CASK: variants seen among roughly 807,000 people sequenced by gnomAD.
CASK encodes the protein peripheral plasma membrane protein CASK.
Under a neutral mutation model 82.9 loss-of-function variants are expected in CASK, and 4 were observed. The observed-to-expected ratio is 0.05, with a 90% CI of 0.02 to 0.11. The LOEUF is 0.11. Ranked by LOEUF, CASK falls within the 10% of genes least tolerant of loss-of-function variation. The pLI is 1.00. For synonymous variants in CASK, 259 were observed against 253.5 expected, an observed-to-expected ratio of 1.02 and a Z score of -0.20; for missense variants, 358 against 720.9, an observed-to-expected ratio of 0.50 and a Z score of 5.76.
At chrX:41,830,782 T>G (rs932031863) in intron 2 of CASK, among the ~76,000 whole-genome samples, 5 of 92,158 alleles carry the variant, frequency 5.4e-5, no homozygotes, top group Non-Finnish European at 1.0e-4. Context: ...ATCGCGCCAC[T>G]GCACTCCAGC....
intron 5 of CASK, among the ~76,000 whole-genome samples, chrX:41,672,008 C>A (rs1195460744): frequency 9.0e-6 from 1 of 111,539 alleles, no homozygotes; most frequent in Admixed American, 9.5e-5. Flanking sequence ...CTGCCCAGTC[C>A]TCTTTTCTTT....
chrX:41,790,232 C>T (rs978583565), intron 2 of CASK: 50 of 984,094 alleles, frequency 5.1e-5, no homozygotes, highest in Non-Finnish European at 6.2e-5. Flanking sequence ...TCCATCAGCT[C>T]GTTCAACTTT....
chrX:41,581,302 C>T (rs1200047551), intron 14 of CASK, among the ~76,000 whole-genome samples: 1 of 110,276 alleles, frequency 9.1e-6, no homozygotes, highest in Non-Finnish European at 1.9e-5. Flanking sequence ...GATTGCTTTG[C>T]CCAGGAGTTG....
intron 2 of CASK, among the ~76,000 whole-genome samples, chrX:41,790,632 C>T (rs2069694548): frequency 9.0e-6 from 1 of 111,457 alleles, no homozygotes; most frequent in Admixed American, 9.6e-5. Flanking sequence ...GAACTAAAGT[C>T]AGAACACTGA....
chrX:41,626,268 G>A (rs752059377), intron 10 of CASK, among the ~76,000 whole-genome samples: 14 of 110,910 alleles, frequency 1.3e-4, no homozygotes, highest in Non-Finnish European at 2.3e-4. Flanking sequence ...TTTGTTGAGA[G>A]AGAAGGTAAT....
At chrX:41,732,079 A>G (rs1298094942) in intron 5 of CASK, among the ~76,000 whole-genome samples, 1 of 109,792 alleles carries the variant, frequency 9.1e-6, no homozygotes, top group Admixed American at 9.8e-5. Flanking sequence ...CCTGGTTTTA[A>G]AATCACCTTC....
intron 12 of CASK, among the ~76,000 whole-genome samples, chrX:41,606,299 T>G (rs763190719): frequency 8.9e-6 from 1 of 112,348 alleles, no homozygotes; most frequent in South Asian, 3.7e-4. Context: ...GGAGTCTCGC[T>G]CTGTTGACCA....
intron 11 of CASK, among the ~76,000 whole-genome samples, chrX:41,611,830 C>T (rs1465535018): frequency 9.0e-6 from 1 of 110,731 alleles, no homozygotes; most frequent in Non-Finnish European, 1.9e-5. Flanking sequence ...TGCCGAGTGC[C>T]TGCGATTGCA....
At chrX:41,649,707 C>CTGAGAAGAATG (rs1418181449) in intron 8 of CASK, among the ~76,000 whole-genome samples, 1 of 111,783 alleles carries the variant, frequency 8.9e-6, no homozygotes, top group African/African-American at 3.3e-5. Context: ...CAATGTGGTG[C>CTGAGAAGAATG]TGAGAAGAAT....
At chrX:41,703,321 C>G (rs2067833828) in intron 5 of CASK, among the ~76,000 whole-genome samples, 1 of 112,195 alleles carries the variant, frequency 8.9e-6, no homozygotes, top group Admixed American at 9.5e-5. Context: ...TATATTAAAG[C>G]TCACTTCACA....
At chrX:41,912,888 CTT>C (rs1415658401) in intron 1 of CASK, among the ~76,000 whole-genome samples, 1 of 106,211 alleles carries the variant, frequency 9.4e-6, no homozygotes, top group Non-Finnish European at 1.9e-5. Flanking sequence ...ATATATGTGA[CTT>C]TATTAAAATT....
At chrX:41,759,597 G>C (rs954667372) in intron 3 of CASK, among the ~76,000 whole-genome samples, 3 of 111,315 alleles carry the variant, frequency 2.7e-5, no homozygotes, top group African/African-American at 9.8e-5. Context: ...CAGGTGTTGG[G>C]ATGGCCAAAA....
At chrX:41,852,467 T>C (rs1438009357) in intron 2 of CASK, among the ~76,000 whole-genome samples, 1 of 111,753 alleles carries the variant, frequency 8.9e-6, no homozygotes, top group Non-Finnish European at 1.9e-5. Flanking sequence ...AGTATGAGCA[T>C]GTATGTCACA....
At position 41,729,804 on chromosome X, in the gene CASK, ATATG is replaced by A. The variant is rs1213615280; in HGVS notation, c.429+9576_429+9579del. ...AAAATATATATATATATATATATAT[ATATG>A]TATGTATGTATGTATATGTGCATAG... On this transcript the variant is annotated intron_variant, in intron 5 of 26. Coordinates refer to ENST00000378163, the MANE Select transcript of CASK (RefSeq NM_001367721.1). 1.4e-4 allele frequency: 13 copies of A among 92,785 alleles called. No homozygotes were observed. In the South Asian group the frequency reaches 5.7e-3, roughly 40 times the overall value. 7.6% of individuals were successfully genotyped at this position (92,785 alleles called of 1,213,427 possible).
rs372757602 is a variant in CASK, at chrX:41,888,509, T to C, written c.59+34421A>G. 9.5e-4 allele frequency among the ~76,000 whole-genome samples: 104 copies of C among 109,042 alleles called. 1 individual carries two copies. Among genetic ancestry groups the C allele is most frequent in the African/African-American group, 3.4e-3 (102 of 30,008 alleles). 94.7% of individuals were successfully genotyped at this position (109,042 alleles called of 115,157 possible). Reference sequence around the variant, plus strand: ...AGCTCCCACTTATGAGAACATACAATGTTTGGTTTTCCATTCCTGAGTTAC... The same window carrying C: ...AGCTCCCACTTATGAGAACATACAACGTTTGGTTTTCCATTCCTGAGTTAC... On this transcript the variant is annotated intron_variant, in intron 1 of 26. Transcript: ENST00000378163.
At chrX:41,599,260 C>A (rs1482866536) in intron 12 of CASK, among the ~76,000 whole-genome samples, 1 of 112,073 alleles carries the variant, frequency 8.9e-6, no homozygotes, top group African/African-American at 3.2e-5. Flanking sequence ...AGTTTAATAG[C>A]TTAGCAGTGA....
At chrX:41,526,390 T>C (rs2064713396) in intron 25 of CASK, among the ~76,000 whole-genome samples, 1 of 112,275 alleles carries the variant, frequency 8.9e-6, no homozygotes, top group Non-Finnish European at 1.9e-5. Context: ...AAGTAGAGAA[T>C]GACACCCTGG....
At chrX:41,843,138 A>C (rs1028910671) in intron 2 of CASK, among the ~76,000 whole-genome samples, 1 of 111,837 alleles carries the variant, frequency 8.9e-6, no homozygotes, top group Non-Finnish European at 1.9e-5. Context: ...CTTCCTTTTC[A>C]ATCTGGATGC....
At chrX:41,653,554 A>G (rs1188521871) in intron 8 of CASK, among the ~76,000 whole-genome samples, 1 of 111,898 alleles carries the variant, frequency 8.9e-6, no homozygotes, top group Non-Finnish European at 1.9e-5. Flanking sequence ...AGTCTATCTG[A>G]GCCCAGGCCA....
Sources: allele counts gnomAD v4.1 joint callset (sites outside exome capture counted in the v4.1 genomes callset), GRCh38; gene constraint gnomAD v4.1.1; transcripts MANE v1.5; gene names NCBI Gene and HGNC (gene_info 2026-07-23, HGNC 2026-07-21).